MED12L: variants seen among roughly 807,000 people sequenced by gnomAD.
MED12L encodes the protein mediator of RNA polymerase II transcription subunit 12-like protein.
MED12L carries 60 observed loss-of-function variants against 281.3 expected under a neutral mutation model. The observed-to-expected ratio is 0.21, with a 90% CI of 0.17 to 0.26. The LOEUF (loss-of-function observed/expected upper bound fraction) is 0.26. Among genes scored for constraint, MED12L ranks in the 10% least tolerant of loss-of-function variants. The pLI, the probability that MED12L is intolerant of heterozygous loss-of-function variation, is 1.00. For synonymous variants in MED12L, 974 were observed against 987.2 expected, an observed-to-expected ratio of 0.99 and a Z score of 0.25; for missense variants, 2,146 against 2,680.9, an observed-to-expected ratio of 0.80 and a Z score of 4.41.
intron 8 of MED12L, among the ~76,000 whole-genome samples, chr3:151,162,456 C>G (rs1040655325): frequency 6.6e-6 from 1 of 151,628 alleles, no homozygotes; most frequent in African/African-American, 2.4e-5. Context: ...GCTCTGTTGC[C>G]CATGCTGGAG....
intron 16 of MED12L, chr3:151,338,305 C>T (rs1171959802): frequency 6.2e-7 from 1 of 1,613,976 alleles, no homozygotes; most frequent in African/African-American, 1.3e-5. Context: ...AGACCGAACT[C>T]TGATTTAAGG....
chr3:151,164,791 G>A (rs1219646139), intron 9 of MED12L, among the ~76,000 whole-genome samples: 1 of 151,408 alleles, frequency 6.6e-6, no homozygotes. Flanking sequence ...TCATAGGTGG[G>A]AATGGAACAG....
At chr3:151,291,643 C>G (rs1744270645) in intron 16 of MED12L, among the ~76,000 whole-genome samples, 1 of 151,930 alleles carries the variant, frequency 6.6e-6, no homozygotes, top group South Asian at 2.1e-4. Flanking sequence ...TCCCAAAAGC[C>G]AGTTTTGAAA....
At chr3:151,176,318 A>G (rs1176262854) in intron 11 of MED12L, among the ~76,000 whole-genome samples, 1 of 152,172 alleles carries the variant, frequency 6.6e-6, no homozygotes, top group Non-Finnish European at 1.5e-5. Context: ...ATCACTGTTA[A>G]TTTTGGTCCA....
intron 16 of MED12L, among the ~76,000 whole-genome samples, chr3:151,299,401 C>CTTTT (rs1559999722): frequency 0.031 from 222 of 7,116 alleles, no homozygotes; most frequent in Middle Eastern, 0.056. Flanking sequence ...TTTTCTTTTC[C>CTTTT]CCTCCCCTCC....
chr3:151,190,899 C>T lies in MED12L; in HGVS notation c.1936C>T (p.His646Tyr). 1 of 1,614,142 alleles carries T rather than the reference C, an allele frequency of 6.2e-7. No homozygotes were observed. The highest frequency in any genetic ancestry group is 8.5e-7 in the Non-Finnish European group (1 of 1,180,022). The change falls in exon 14 of 45, where the codon CAC (histidine) becomes TAC (tyrosine). Residue 646 changes from histidine to tyrosine, a missense_variant. By Grantham distance (83) the His-to-Tyr change is moderately conservative. Coordinates refer to ENST00000687756, the MANE Select transcript of MED12L (RefSeq NM_001393769.1). ...RSPVGENADE[H>Y]YSKDHDVKME... ...ACCAGTAGGGGAAAATGCAGATGAACACTATTCAAAGGACCATGATGTGAA... is the reference window on the plus strand; with the variant it reads ...ACCAGTAGGGGAAAATGCAGATGAATACTATTCAAAGGACCATGATGTGAA...
chr3:151,245,549 G>T (rs1340766056), intron 16 of MED12L, among the ~76,000 whole-genome samples: 5 of 148,996 alleles, frequency 3.4e-5, no homozygotes, highest in African/African-American at 1.2e-4. Context: ...TGCAGAAAAG[G>T]CCTTTGACAA....
At chr3:151,094,792 A>G (rs1053889616) in intron 2 of MED12L, among the ~76,000 whole-genome samples, 7 of 152,230 alleles carry the variant, frequency 4.6e-5, no homozygotes, top group East Asian at 1.9e-4. Context: ...AGCTGTAACA[A>G]TAGATATGTA....
At chr3:151,382,822 T>TAGGAG in intron 33 of MED12L, 77 bp downstream of exon 33, 2 of 1,183,618 alleles carry the variant, frequency 1.7e-6, no homozygotes, top group Non-Finnish European at 2.4e-6. Flanking sequence ...CCACTTCTCC[T>TAGGAG]AAGTGCAAAG....
At chr3:151,156,586 C>T (rs1719317079) in intron 6 of MED12L, among the ~76,000 whole-genome samples, 1 of 152,186 alleles carries the variant, frequency 6.6e-6, no homozygotes, top group Admixed American at 6.5e-5. Flanking sequence ...CGTAATTGCA[C>T]TATTAAATGT....
Position 151,169,013 on chromosome 3 carries a change from G to A in MED12L, c.1494+3031G>A, listed in dbSNP as rs145309316. ...TAAAATATGTCGTTGGTATCTGTAT[G>A]TATGGTATATGCATCAAGGTATATA... On this transcript the variant is annotated intron_variant, in intron 11 of 44. Transcript: ENST00000687756. Among the ~76,000 whole-genome samples the A allele has an allele frequency of 2.0e-5, 3 of 151,086 alleles. No individual in the cohort carries two copies. In the East Asian group the frequency reaches 5.9e-4, roughly 29 times the overall value.
intron 16 of MED12L, chr3:151,213,703 A>T (rs1453414068): frequency 1.2e-6 from 2 of 1,614,096 alleles, no homozygotes; most frequent in African/African-American, 2.7e-5. Flanking sequence ...AGCAGTATAG[A>T]AAACGATTAA....
intron 2 of MED12L, among the ~76,000 whole-genome samples, chr3:151,105,195 T>G (rs1456989576): frequency 6.6e-6 from 1 of 152,200 alleles, no homozygotes; most frequent in Non-Finnish European, 1.5e-5. Flanking sequence ...CTCAGGAGCT[T>G]GAACTTATCT....
At chr3:151,213,881 A>G in intron 16 of MED12L, 2 of 1,614,054 alleles carry the variant, frequency 1.2e-6, no homozygotes. Flanking sequence ...ATGAGCATCC[A>G]TACTATCACT....
chr3:151,147,334 C>T (rs138506595), intron 5 of MED12L, among the ~76,000 whole-genome samples: 105 of 152,270 alleles, frequency 6.9e-4, no homozygotes, highest in Non-Finnish European at 1.2e-3. Context: ...TTCAAGAAGA[C>T]ATTTTAAATA....
At chr3:151,155,554 G>A (rs1360850073) in intron 5 of MED12L, among the ~76,000 whole-genome samples, 1 of 152,184 alleles carries the variant, frequency 6.6e-6, no homozygotes, top group Non-Finnish European at 1.5e-5. Context: ...AGCCATGCGG[G>A]TGTCCCTGAC....
chr3:151,205,746 C>T (rs753457204), intron 16 of MED12L, among the ~76,000 whole-genome samples: 1 of 152,162 alleles, frequency 6.6e-6, no homozygotes, highest in Non-Finnish European at 1.5e-5. Context: ...AGCGTCCCAG[C>T]TCTTAGTTAT....
chr3:151,091,819 T>G (rs1361983895), intron 2 of MED12L, among the ~76,000 whole-genome samples: 1 of 152,252 alleles, frequency 6.6e-6, no homozygotes, highest in Admixed American at 6.5e-5. Flanking sequence ...CTTTGAGTTC[T>G]GGCTACTCTG....
chr3:151,234,558 G>A (rs1017692585), intron 16 of MED12L, among the ~76,000 whole-genome samples: 3 of 152,176 alleles, frequency 2.0e-5, no homozygotes, highest in Admixed American at 6.5e-5. Flanking sequence ...AGTAGGTGCT[G>A]TATAAACTTT....
Sources: gnomAD v4.1 joint callset for allele counts (sites outside exome capture counted in the v4.1 genomes callset) on GRCh38, gnomAD v4.1.1 for gene constraint, MANE v1.5 for transcripts, NCBI Gene and HGNC (gene_info 2026-07-23, HGNC 2026-07-21) for gene names.